The following ACER3 variants were observed in gnomAD, a reference collection of about 807,000 sequenced individuals.
The protein encoded by ACER3 is alkCDase 3.
Under a neutral mutation model 48.9 loss-of-function variants are expected in ACER3, and 16 were observed. The observed-to-expected ratio is 0.33, with a 90% CI of 0.22 to 0.50. The LOEUF (loss-of-function observed/expected upper bound fraction) is 0.50. ACER3 is among the 20% of genes least tolerant of loss of function. ACER3 has a pLI of 0.98. For synonymous variants in ACER3, 109 were observed against 107.8 expected (o/e 1.01, Z -0.07); for missense variants, 227 against 326.0 (o/e 0.70, Z 2.34).
intron 2 of ACER3, among the ~76,000 whole-genome samples, chr11:76,950,212 G>A (rs1218152116): frequency 6.6e-6 from 1 of 151,416 alleles, no homozygotes; most frequent in Admixed American, 6.6e-5. Flanking sequence ...AAGAGGGAAA[G>A]TGGTAGAATA....
chr11:76,884,464 A>G (rs973012693), intron 1 of ACER3, among the ~76,000 whole-genome samples: 1 of 152,106 alleles, frequency 6.6e-6, no homozygotes, highest in South Asian at 2.1e-4. Context: ...AGTCCCCCAA[A>G]TCATTGTAGT....
Position 77,016,737 on chromosome 11 carries a change from A to T in ACER3, c.662A>T (p.His221Leu), listed in dbSNP as rs1555023441. The change falls in exon 9 of 11, where the codon CAT (histidine) becomes CTT (leucine). Residue 221 changes from histidine (H) to leucine (L), a missense_variant. His to Leu is a moderately conservative substitution (Grantham distance 99, BLOSUM62 -3). Around this residue, in one of 3 missense-constraint regions of ACER3, gnomAD observed 195 missense variants for 290.8 expected, o/e 0.67. Coordinates refer to ENST00000532485, the MANE Select transcript of ACER3 (RefSeq NM_018367.7). Reference protein sequence around the residue: ...GITTQFHAWWHILTGLGSYLH... With the variant: ...GITTQFHAWWLILTGLGSYLH... Reference sequence around the variant, plus strand: ...ACCACACAATTTCATGCATGGTGGCATATTTTAACTGGCCTTGGTTCCTAT... The same window carrying T: ...ACCACACAATTTCATGCATGGTGGCTTATTTTAACTGGCCTTGGTTCCTAT... 1 of 1,604,798 alleles carries T rather than the reference A, an allele frequency of 6.2e-7. No homozygotes were observed. The highest frequency in any genetic ancestry group is 1.7e-5 in the Admixed American group (1 of 59,108).
intron 1 of ACER3, among the ~76,000 whole-genome samples, chr11:76,896,749 TCTC>T (rs1322358174): frequency 1.3e-5 from 2 of 152,196 alleles, no homozygotes; most frequent in Admixed American, 6.5e-5. Flanking sequence ...ACCACCTTCT[TCTC>T]CTAAAATTAT....
intron 7 of ACER3, among the ~76,000 whole-genome samples, chr11:77,007,567 G>A (rs1046750176): frequency 1.3e-5 from 2 of 152,244 alleles, no homozygotes; most frequent in African/African-American, 2.4e-5. Flanking sequence ...TGACACCCAA[G>A]TGGTGTGGCC....
chr11:77,019,933 C>T (rs184718937), intron 10 of ACER3, among the ~76,000 whole-genome samples, 157 bp downstream of exon 10: 170 of 152,240 alleles, frequency 1.1e-3, no homozygotes, highest in Non-Finnish European at 1.9e-3. Flanking sequence ...ACTGCATGTT[C>T]TTGGACAAAT....
chr11:76,939,562 C>T (rs1319822952), intron 2 of ACER3, among the ~76,000 whole-genome samples: 2 of 152,134 alleles, frequency 1.3e-5, no homozygotes, highest in African/African-American at 4.8e-5. Flanking sequence ...TGCTGCTGCA[C>T]TCTAGCCTGG....
intron 7 of ACER3, among the ~76,000 whole-genome samples, chr11:77,010,579 A>G (rs1397384350): frequency 6.6e-6 from 1 of 152,134 alleles, no homozygotes; most frequent in African/African-American, 2.4e-5. Context: ...AATTACCAAA[A>G]TAATTCAAGA....
At chr11:76,916,712 A>T (rs1225151771) in intron 1 of ACER3, among the ~76,000 whole-genome samples, 1 of 152,234 alleles carries the variant, frequency 6.6e-6, no homozygotes, top group Non-Finnish European at 1.5e-5. Flanking sequence ...TTCATTACTG[A>T]ACATAGTTTG....
intron 1 of ACER3, among the ~76,000 whole-genome samples, chr11:76,887,398 T>G (rs1188958888): frequency 6.6e-6 from 1 of 152,178 alleles, no homozygotes; most frequent in Admixed American, 6.5e-5. Flanking sequence ...AAAGGAGAAC[T>G]CAAAGAGAGA....
intron 1 of ACER3, among the ~76,000 whole-genome samples, chr11:76,879,528 A>G (rs1456042692): frequency 2.6e-5 from 4 of 152,224 alleles, no homozygotes; most frequent in African/African-American, 9.6e-5. Flanking sequence ...CCTAAAAAGC[A>G]AAGAATTCAA....
intron 2 of ACER3, among the ~76,000 whole-genome samples, chr11:76,937,553 G>A (rs1387401470): frequency 6.6e-6 from 1 of 152,142 alleles, no homozygotes; most frequent in Non-Finnish European, 1.5e-5. Flanking sequence ...AACTGATATG[G>A]ATATGTTAAG....
At chr11:76,952,549 C>T (rs1301706066) in intron 2 of ACER3, among the ~76,000 whole-genome samples, 1 of 151,782 alleles carries the variant, frequency 6.6e-6, no homozygotes, top group Non-Finnish European at 1.5e-5. Context: ...TAAGCCACTG[C>T]GCCCAGCTAC....
intron 2 of ACER3, among the ~76,000 whole-genome samples, chr11:76,956,865 T>G (rs1947855338): frequency 6.6e-6 from 1 of 152,168 alleles, no homozygotes; most frequent in Non-Finnish European, 1.5e-5. Context: ...GTGCAATAAC[T>G]ATCTTATTTC....
chr11:77,001,661 C>A (rs1297069313), intron 7 of ACER3, among the ~76,000 whole-genome samples: 1 of 152,182 alleles, frequency 6.6e-6, no homozygotes, highest in Non-Finnish European at 1.5e-5. Flanking sequence ...CTGACTAGAA[C>A]TTCCAAGACT....
At chr11:76,947,720 A>G (rs914137064) in intron 2 of ACER3, among the ~76,000 whole-genome samples, 2 of 152,254 alleles carry the variant, frequency 1.3e-5, no homozygotes, top group Non-Finnish European at 2.9e-5. Flanking sequence ...AGTAACATTG[A>G]AGAAAAATGT....
At chr11:76,946,597 C>G (rs1947480446) in intron 2 of ACER3, among the ~76,000 whole-genome samples, 1 of 152,168 alleles carries the variant, frequency 6.6e-6, no homozygotes, top group Non-Finnish European at 1.5e-5. Context: ...GCTAGAGGCT[C>G]TGGAGAGTGT....
intron 4 of ACER3, among the ~76,000 whole-genome samples, chr11:76,984,666 T>G (rs1948651066): frequency 6.6e-6 from 1 of 152,136 alleles, no homozygotes; most frequent in Admixed American, 6.5e-5. Context: ...AAAATAAAAT[T>G]TATTCCTGCA....
At chr11:76,995,936 C>G (rs1948900826) in intron 6 of ACER3, among the ~76,000 whole-genome samples, 1 of 152,148 alleles carries the variant, frequency 6.6e-6, no homozygotes, top group African/African-American at 2.4e-5. Context: ...TTCTTTTAAA[C>G]TATAGACCTA....
At chr11:76,878,289 A>G (rs1945435819) in intron 1 of ACER3, among the ~76,000 whole-genome samples, 1 of 150,986 alleles carries the variant, frequency 6.6e-6, no homozygotes, top group South Asian at 2.1e-4. Context: ...CAATGGCAAA[A>G]CCCTCAATTA....
Sources: gnomAD v4.1 joint callset for allele counts (sites outside exome capture counted in the v4.1 genomes callset) on GRCh38, gnomAD v4.1.1 for gene constraint, gnomAD v4.1.1 regional missense constraint, MANE v1.5 for transcripts, NCBI Gene and HGNC (gene_info 2026-07-23, HGNC 2026-07-21) for gene names.